SEC24D: variants seen among roughly 807,000 people sequenced by gnomAD.
The protein encoded by SEC24D is protein transport protein Sec24D.
SEC24D carries 69 observed loss-of-function variants against 116.9 expected under a neutral mutation model. That is an observed-to-expected ratio of 0.59 (90% confidence interval 0.49 to 0.72). SEC24D has a LOEUF of 0.72. SEC24D is among the 30% of genes least tolerant of loss of function. The pLI, the probability that SEC24D is intolerant of heterozygous loss-of-function variation, is 0.00. For missense variants in SEC24D, 1,131 were observed against 1,264.1 expected (o/e 0.89, Z 1.60); for synonymous variants, 405 against 442.8 (o/e 0.91, Z 1.07).
intron 10 of SEC24D, among the ~76,000 whole-genome samples, chr4:118,758,097 C>G (rs1727198999): frequency 6.6e-6 from 1 of 152,318 alleles, no homozygotes; most frequent in African/African-American, 2.4e-5. Context: ...ATTACGACAT[C>G]TAGCACAGAA....
At chr4:118,802,282 A>G (rs1444673116) in intron 7 of SEC24D, among the ~76,000 whole-genome samples, 1 of 152,244 alleles carries the variant, frequency 6.6e-6, no homozygotes, top group Non-Finnish European at 1.5e-5. Flanking sequence ...AATATTTTAA[A>G]GTTTAAGAAT....
chr4:118,779,989 C>G (rs1387581380), intron 8 of SEC24D, among the ~76,000 whole-genome samples: 1 of 152,044 alleles, frequency 6.6e-6, no homozygotes, highest in Non-Finnish European at 1.5e-5. Context: ...TGATTCTTCT[C>G]TCTTTTCTTC....
At chr4:118,816,518 T>C (rs1393352484) in intron 4 of SEC24D, among the ~76,000 whole-genome samples, 3 of 152,226 alleles carry the variant, frequency 2.0e-5, no homozygotes, top group African/African-American at 7.2e-5. Context: ...TGCTCTCCAA[T>C]CATATTGGAA....
chr4:118,743,284 A>C (rs753301572), intron 15 of SEC24D, among the ~76,000 whole-genome samples: 10 of 152,170 alleles, frequency 6.6e-5, no homozygotes, highest in Non-Finnish European at 1.2e-4. Context: ...GAATGAGCTC[A>C]TTCTATCACC....
At chr4:118,826,193 T>G (rs891415584) in intron 2 of SEC24D, among the ~76,000 whole-genome samples, 15 of 152,182 alleles carry the variant, frequency 9.9e-5, no homozygotes, top group African/African-American at 3.6e-4. Flanking sequence ...CACTACACTT[T>G]AATACAAAGT....
At chr4:118,775,252 C>T (rs1467868542) in intron 8 of SEC24D, among the ~76,000 whole-genome samples, 5 of 149,168 alleles carry the variant, frequency 3.4e-5, no homozygotes, top group African/African-American at 1.2e-4. Flanking sequence ...AGACAGGGGT[C>T]GGTCAATGGT....
Position 118,739,169 on chromosome 4 carries a change from A to AT in SEC24D, c.2356dup (p.Ile786AsnfsTer10). 6.2e-7 allele frequency: 1 copy of AT among 1,613,592 alleles called. No individual in the cohort carries two copies. The highest frequency in any genetic ancestry group is 8.5e-7 in the Non-Finnish European group (1 of 1,179,630). On this transcript the variant is annotated frameshift_variant, in exon 18 of 23. Coordinates refer to ENST00000280551, the MANE Select transcript of SEC24D (RefSeq NM_014822.4). LOFTEE classifies it high-confidence loss of function. ...GTTACCTGACTTGGCAAAGAAGTTG[A>AT]TAAGAGCATCTGTCTCACAGCTCTT... is the stretch of plus-strand genomic sequence containing the variant.
chr4:118,731,792 G>A (rs913286745), intron 20 of SEC24D, among the ~76,000 whole-genome samples: 6 of 152,114 alleles, frequency 3.9e-5, no homozygotes, highest in African/African-American at 4.8e-5. Flanking sequence ...GGGGTGTGTC[G>A]CTGATAAAGG....
intron 6 of SEC24D, among the ~76,000 whole-genome samples, 165 bp from the exon 7 acceptor site, chr4:118,806,119 TTTCTAAA>T (rs1289890784): frequency 6.6e-6 from 1 of 152,092 alleles, no homozygotes. Context: ...AAACTGGCAT[TTTCTAAA>T]TCCTTTCTGT....
chr4:118,787,584 A>C (rs1728707847), intron 8 of SEC24D, among the ~76,000 whole-genome samples: 1 of 152,132 alleles, frequency 6.6e-6, no homozygotes, highest in Admixed American at 6.5e-5. Flanking sequence ...AGGCCGAGGC[A>C]GGTGGACTGC....
chr4:118,812,975 T>C (rs1464574921), intron 6 of SEC24D, among the ~76,000 whole-genome samples: 2 of 152,074 alleles, frequency 1.3e-5, no homozygotes, highest in African/African-American at 4.8e-5. Context: ...GATTTGAGCT[T>C]TGGAGCACTG....
intron 8 of SEC24D, among the ~76,000 whole-genome samples, chr4:118,789,266 A>T (rs6822035): frequency 6.6e-6 from 1 of 152,024 alleles, no homozygotes; most frequent in Non-Finnish European, 1.5e-5. Context: ...ACATGGTCAT[A>T]GTGAATAAAC....
Position 118,815,173 on chromosome 4 carries a change from A to G in SEC24D, c.674-18T>C. 1 of 1,613,234 alleles carries G rather than the reference A, an allele frequency of 6.2e-7. No individual in the cohort carries two copies. Among genetic ancestry groups the G allele is most frequent in the East Asian group, 2.2e-5 (1 of 44,880 alleles). ...AGAGTTGGCTGCTTGGAAAAAATTT[A>G]AAGAGAAATGACTATCATCCCAAAT... On this transcript the variant is annotated intron_variant, in intron 5 of 22. Transcript: ENST00000280551.
intron 4 of SEC24D, chr4:118,816,823 A>G (rs1578470030): frequency 2.2e-6 from 1 of 456,008 alleles, no homozygotes; most frequent in Non-Finnish European, 4.4e-6. Flanking sequence ...CTGCCTCACA[A>G]CATCTGAGCT....
At chr4:118,817,642 A>T (rs1730210777) in intron 3 of SEC24D, among the ~76,000 whole-genome samples, 2 of 152,186 alleles carry the variant, frequency 1.3e-5, no homozygotes, top group Non-Finnish European at 2.9e-5. Context: ...GAAAAAAAAA[A>T]TCCTAATGTG....
Position 118,797,656 on chromosome 4 carries a change from T to C in SEC24D, c.1041+27A>G. 2.7e-6 allele frequency: 4 copies of C among 1,503,096 alleles called. No homozygotes were observed. The East Asian group carries it at 9.2e-5, about 35-fold the overall frequency. 93.1% of individuals were successfully genotyped at this position (1,503,096 alleles called of 1,614,324 possible). ...GGTAATTTTGGAATTGATAAATTATTGAATTGCTATTATATATCATTCTTA... is the reference window on the plus strand; with the variant it reads ...GGTAATTTTGGAATTGATAAATTATCGAATTGCTATTATATATCATTCTTA... On this transcript the variant is annotated intron_variant, in intron 8 of 22. Transcript: ENST00000280551.
At chr4:118,792,982 A>T (rs1188325283) in intron 8 of SEC24D, among the ~76,000 whole-genome samples, 1 of 152,238 alleles carries the variant, frequency 6.6e-6, no homozygotes, top group African/African-American at 2.4e-5. Context: ...AGCAGCTGTT[A>T]CAGATGATAT....
intron 17 of SEC24D, among the ~76,000 whole-genome samples, chr4:118,739,616 C>T (rs1365335829): frequency 6.6e-6 from 1 of 152,144 alleles, no homozygotes; most frequent in Non-Finnish European, 1.5e-5. Context: ...GGGGCAGAAA[C>T]AATACCTTCA....
Position 118,805,959 on chromosome 4 carries a change from T to A in SEC24D, c.802-5A>T. ...ATCATTCTCAATCACCTGGATCTGA[T>A]AAATAAGACATCAAGAGCCCGTTAA... is the stretch of plus-strand genomic sequence containing the variant. On this transcript the variant is annotated splice_region_variant and splice_polypyrimidine_tract_variant and intron_variant, in intron 6 of 22. Coordinates refer to ENST00000280551, the MANE Select transcript of SEC24D (RefSeq NM_014822.4). The A allele has an allele frequency of 2.5e-6, 4 of 1,577,622 alleles. No individual in the cohort carries two copies. The highest frequency in any genetic ancestry group is 3.5e-6 in the Non-Finnish European group (4 of 1,154,064).
Sources: gnomAD v4.1 joint callset for allele counts (sites outside exome capture counted in the v4.1 genomes callset) on GRCh38, gnomAD v4.1.1 for gene constraint, MANE v1.5 for transcripts, NCBI Gene and HGNC (gene_info 2026-07-23, HGNC 2026-07-21) for gene names.